Variants in CDH22 observed in about 807,000 individuals in gnomAD.
The protein encoded by CDH22 is cadherin 22.
Under a neutral mutation model 58.4 loss-of-function variants are expected in CDH22, and 30 were observed. The ratio of observed to expected loss-of-function variants is 0.51; its 90% CI spans 0.38 to 0.70. CDH22 has a LOEUF of 0.70. CDH22 is among the 30% of genes least tolerant of loss of function. The pLI is 0.00. For missense variants in CDH22, 1,014 were observed against 1,233.9 expected (o/e 0.82, Z 2.67); for synonymous variants, 513 against 558.2 (o/e 0.92, Z 1.14).
chr20:46,257,422 G>A (rs1568676017), intron 1 of CDH22, among the ~76,000 whole-genome samples: 1 of 152,180 alleles, frequency 6.6e-6, no homozygotes, highest in Admixed American at 6.5e-5. Flanking sequence ...TTGATCAAGG[G>A]GGAGCAGCGG....
intron 7 of CDH22, among the ~76,000 whole-genome samples, chr20:46,201,548 C>T (rs1234975585): frequency 6.6e-6 from 1 of 152,208 alleles, no homozygotes; most frequent in Non-Finnish European, 1.5e-5. Flanking sequence ...CTTCTGTTTG[C>T]TCACCTGAAA....
At chr20:46,294,591 T>C (rs2086620465) in intron 1 of CDH22, among the ~76,000 whole-genome samples, 1 of 152,220 alleles carries the variant, frequency 6.6e-6, no homozygotes. Flanking sequence ...AAATGGCTGC[T>C]ATGGCAACCA....
intron 4 of CDH22, among the ~76,000 whole-genome samples, chr20:46,221,865 C>T (rs1217677772): frequency 6.6e-6 from 1 of 152,202 alleles, no homozygotes; most frequent in African/African-American, 2.4e-5. Context: ...TGAAGTTGTT[C>T]TTGAAAGCTT....
At chr20:46,212,855 T>C (rs2086053509) in intron 6 of CDH22, 140 bp downstream of exon 6, 2 of 665,292 alleles carry the variant, frequency 3.0e-6, no homozygotes, top group Non-Finnish European at 2.6e-6. Context: ...CCATCAGTGT[T>C]TTTCCAGGTT....
rs1029426273 is a variant in CDH22, at chr20:46,179,261, G to A, written c.1664-1064C>T. Among the ~76,000 whole-genome samples, 7 of 152,318 alleles carry A rather than the reference G, an allele frequency of 4.6e-5. 1 individual carries two copies. The South Asian group carries it at 1.4e-3, about 32-fold the overall frequency. ...CAAAGGGGGCCCTGCATTCCTGCTG[G>A]GGGCCTTCAGTCCTCCTTCTCCCCG... On this transcript the variant is annotated intron_variant, in intron 10 of 11. Coordinates refer to ENST00000537909, the MANE Select transcript of CDH22 (RefSeq NM_021248.3).
In CDH22 at chr20:46,210,277, G is replaced by GCAGGCGT; in HGVS notation, c.1286+23_1286+29dup. 7.3e-7 allele frequency: 1 copy of GCAGGCGT among 1,376,380 alleles called. No individual in the cohort carries two copies. The highest frequency in any genetic ancestry group is 9.3e-7 in the Non-Finnish European group (1 of 1,070,766). 85.3% of individuals were successfully genotyped at this position (1,376,380 alleles called of 1,614,324 possible). A position where few individuals can be genotyped will look rare whatever the true frequency, so the allele number is the denominator to read the frequency against. On this transcript the variant is annotated intron_variant, in intron 7 of 11. Transcript: ENST00000537909. The surrounding 1 kb of genome is among the most constrained non-coding windows in gnomAD (Gnocchi z 4.5). The stretch of plus-strand genomic sequence containing the variant: ...GGGGGTGATGGCGGGATAGCAGGCA[G>GCAGGCGT]CAGGCGTCGGCCCCGGGCGGGGGTC...
chr20:46,210,293 G>A lies in CDH22; in HGVS notation c.1286+14C>T. ...TAGCAGGCAGCAGGCGTCGGCCCCGGGCGGGGGTCTCACCGGACGGGCCGG... is the reference window on the plus strand; with the variant it reads ...TAGCAGGCAGCAGGCGTCGGCCCCGAGCGGGGGTCTCACCGGACGGGCCGG... On this transcript the variant is annotated intron_variant, in intron 7 of 11. Transcript: ENST00000537909. This position sits in a 1 kb window ranked among gnomAD's most constrained non-coding sequence, Gnocchi z 4.5. 1 of 1,399,288 alleles carries A rather than the reference G, an allele frequency of 7.1e-7. No individual in the cohort carries two copies. 86.7% of individuals were successfully genotyped at this position (1,399,288 alleles called of 1,614,324 possible).
chr20:46,225,478 C>T (rs2086164571), intron 4 of CDH22, among the ~76,000 whole-genome samples: 1 of 152,012 alleles, frequency 6.6e-6, no homozygotes, highest in African/African-American at 2.4e-5. Flanking sequence ...TTTATAGCTA[C>T]CATTCATGTA....
intron 1 of CDH22, among the ~76,000 whole-genome samples, chr20:46,264,040 A>G (rs1477428282): frequency 1.3e-5 from 2 of 152,190 alleles, no homozygotes; most frequent in African/African-American, 2.4e-5. Context: ...GTTGGTGATG[A>G]ATCAGATGTA....
intron 2 of CDH22, among the ~76,000 whole-genome samples, chr20:46,247,053 C>CT (rs983124819): frequency 1.3e-5 from 2 of 151,610 alleles, no homozygotes; most frequent in African/African-American, 2.4e-5. Flanking sequence ...ACCTTCCCCC[C>CT]CACTTAGTGG....
chr20:46,275,780 G>A, intron 1 of CDH22, among the ~76,000 whole-genome samples: 1 of 144,060 alleles, frequency 6.9e-6, no homozygotes, highest in East Asian at 2.0e-4. Context: ...TTTAGTGGTA[G>A]AGACCATAGG....
rs938110764 is a variant in CDH22 at position 46,174,252 on chromosome 20, G to C, written c.*254C>G. Reference sequence around the variant, plus strand: ...ACCCCCATCTCCCATTCTAACCCCAGAGCCACACCGTGCCCGGTCTCGCCT... The same window carrying C: ...ACCCCCATCTCCCATTCTAACCCCACAGCCACACCGTGCCCGGTCTCGCCT... On this transcript the variant is annotated 3_prime_UTR_variant, in exon 12 of 12. Coordinates refer to ENST00000537909, the MANE Select transcript of CDH22 (RefSeq NM_021248.3). The surrounding 1 kb of genome is among the most constrained non-coding windows in gnomAD (Gnocchi z 4.4). 1 of 480,842 alleles carries C rather than the reference G, an allele frequency of 2.1e-6. No homozygotes were observed. Among genetic ancestry groups the C allele is most frequent in the African/African-American group, 2.1e-5 (1 of 48,504 alleles). 29.8% of individuals were successfully genotyped at this position (480,842 alleles called of 1,614,324 possible).
At chr20:46,208,189 C>T (rs1568658727) in intron 7 of CDH22, among the ~76,000 whole-genome samples, 1 of 152,214 alleles carries the variant, frequency 6.6e-6, no homozygotes, top group African/African-American at 2.4e-5. Context: ...CCTTCCCATC[C>T]CTCTAACACT....
rs369231886 is a variant in CDH22, at chr20:46,269,473, C to T, written c.-399-17780G>A. 1.6e-4 allele frequency among the ~76,000 whole-genome samples: 25 copies of T among 152,306 alleles called. No individual in the cohort carries two copies. The East Asian group carries it at 3.5e-3, about 21-fold the overall frequency. On this transcript the variant is annotated intron_variant, in intron 1 of 11. Coordinates refer to ENST00000537909, the MANE Select transcript of CDH22 (RefSeq NM_021248.3). Reference sequence around the variant, plus strand: ...TGATAACCACCATTCTAAGCATTCACGAATGTAATCCATTTACTTCTCACA... The same window carrying T: ...TGATAACCACCATTCTAAGCATTCATGAATGTAATCCATTTACTTCTCACA...
chr20:46,175,131 G>A (rs1392167083), intron 11 of CDH22, 54 bp from the exon 12 acceptor site: 7 of 1,542,952 alleles, frequency 4.5e-6, no homozygotes, highest in Middle Eastern at 1.7e-4. Flanking sequence ...CAGGGCATTA[G>A]AAGGACCCTC....
chr20:46,213,070 C>G lies in CDH22; in HGVS notation c.957G>C (p.Glu319Asp), dbSNP rs370232478. The G allele has an allele frequency of 4.3e-5, 69 of 1,614,094 alleles. No individual in the cohort carries two copies. The highest frequency in any genetic ancestry group is 5.4e-5 in the Non-Finnish European group (64 of 1,180,038). Residue 319 changes from glutamate to aspartate, a missense_variant, in exon 6 of 12, where the codon GAG becomes GAC. Physicochemically the swap from Glu to Asp is conservative, Grantham distance 45. Around this residue, in one of 2 missense-constraint regions of CDH22, gnomAD observed 806 missense variants for 1,038.7 expected, o/e 0.78. Transcript: ENST00000537909. ...TGAACACATCGCCGCCGCTGCTGCT[C>G]TCGTCCTTAAGGTGGTAAGTCATGT... ...NTDMTYHLKDESSSGGDVFKV... is the reference protein window; with the variant it reads ...NTDMTYHLKDDSSSGGDVFKV...
At chr20:46,259,494 A>G (rs17382396) in intron 1 of CDH22, among the ~76,000 whole-genome samples, 3,099 of 152,336 alleles carry the variant, frequency 0.02, 41 homozygotes, top group Middle Eastern at 0.1. Flanking sequence ...AATTAAATGC[A>G]CATGCTCGCA....
chr20:46,242,475 T>C (rs1426071766), intron 2 of CDH22, among the ~76,000 whole-genome samples: 1 of 152,228 alleles, frequency 6.6e-6, no homozygotes. Flanking sequence ...AGCATTTTCC[T>C]CCCAGAGGTA....
In CDH22 at chr20:46,300,719, C is replaced by T. The variant is rs1309942021; in HGVS notation, c.-400+7536G>A. On this transcript the variant is annotated intron_variant, in intron 1 of 11. Transcript: ENST00000537909. This position sits in a 1 kb window ranked among gnomAD's most constrained non-coding sequence, Gnocchi z 4.4. ...TTCCCCAGGGACCCCCCAGTCCCCT[C>T]TTCGCTGGCCCCAAGGGGCTTCTAC... is the stretch of plus-strand genomic sequence containing the variant. 6.6e-6 allele frequency among the ~76,000 whole-genome samples: 1 copy of T among 152,268 alleles called. No individual in the cohort carries two copies. Among genetic ancestry groups the T allele is most frequent in the Non-Finnish European group, 1.5e-5 (1 of 68,052 alleles).
Sources: gnomAD v4.1 joint callset for allele counts (sites outside exome capture counted in the v4.1 genomes callset) on GRCh38, gnomAD v4.1.1 for gene constraint, gnomAD v4.1.1 regional missense constraint, Gnocchi (gnomAD v3.1) non-coding constraint, MANE v1.5 for transcripts, NCBI Gene and HGNC (gene_info 2026-07-23, HGNC 2026-07-21) for gene names.